Variants in MLYCD observed in about 807,000 individuals in gnomAD.
MLYCD encodes the protein malonyl-CoA decarboxylase, mitochondrial.
A neutral mutation model predicts 35.8 loss-of-function variants in MLYCD; 27 were observed. The ratio of observed to expected loss-of-function variants is 0.75; its 90% CI spans 0.56 to 1.04. The LOEUF (loss-of-function observed/expected upper bound fraction) is 1.04. Among genes scored for constraint, MLYCD ranks in the 50% least tolerant of loss-of-function variants. MLYCD has a pLI of 0.00. For synonymous variants in MLYCD, 403 were observed against 302.4 expected (o/e 1.33, Z -3.45); for missense variants, 917 against 665.1 (o/e 1.38, Z -4.17).
intron 3 of MLYCD, among the ~76,000 whole-genome samples, chr16:83,909,435 A>G (rs1907094501): frequency 6.6e-6 from 1 of 152,178 alleles, no homozygotes; most frequent in African/African-American, 2.4e-5. Flanking sequence ...GTAGGTTTAT[A>G]TGGAAAACCA....
At chr16:83,900,122 G>A (rs1001524846) in intron 1 of MLYCD, among the ~76,000 whole-genome samples, 6 of 152,184 alleles carry the variant, frequency 3.9e-5, no homozygotes, top group African/African-American at 1.4e-4. Context: ...ACATTGTCCT[G>A]AGAAGTCCTG....
chr16:83,911,959 T>G (rs573966438), intron 3 of MLYCD: 2 of 503,208 alleles, frequency 4.0e-6, no homozygotes, highest in East Asian at 7.6e-5. Context: ...ACATTGCTCT[T>G]CAACAAAGTT....
In MLYCD at chr16:83,918,025, C is replaced by T. The variant is rs1907489405; in HGVS notation, c.*2536C>T. 6.6e-6 allele frequency: 1 copy of T among 152,214 alleles called. No individual in the cohort carries two copies. 9.4% of individuals were successfully genotyped at this position (152,214 alleles called of 1,614,324 possible). ...GGAGTTTGTAGATGTCAGTCATCCC[C>T]AAGTCACTAGGAACTAGCACGCCTG... On this transcript the variant is annotated 3_prime_UTR_variant, in exon 5 of 5. Coordinates refer to ENST00000262430, the MANE Select transcript of MLYCD (RefSeq NM_012213.3).
At chr16:83,907,256 G>T (rs749546969) in intron 2 of MLYCD, among the ~76,000 whole-genome samples, 157 bp downstream of exon 2, 2 of 152,262 alleles carry the variant, frequency 1.3e-5, no homozygotes, top group Middle Eastern at 3.4e-3. Flanking sequence ...TGCTGCGGCT[G>T]TCACCACACA....
At chr16:83,901,719 C>CA (rs1293850081) in intron 1 of MLYCD, among the ~76,000 whole-genome samples, 2 of 152,192 alleles carry the variant, frequency 1.3e-5, no homozygotes, top group African/African-American at 4.8e-5. Context: ...TGAAGACACT[C>CA]ACATCCAGAC....
chr16:83,915,537 T>G lies in MLYCD; in HGVS notation c.*48T>G. 6.3e-7 allele frequency: 1 copy of G among 1,597,512 alleles called. No individual in the cohort carries two copies. The highest frequency in any genetic ancestry group is 1.3e-5 in the African/African-American group (1 of 74,978). ...AGGGCCCCGGCTAAGAAAACGATCATTTTCAGGAGGGGCCGGGAGTTATGT... is the reference window on the plus strand; with the variant it reads ...AGGGCCCCGGCTAAGAAAACGATCAGTTTCAGGAGGGGCCGGGAGTTATGT... On this transcript the variant is annotated 3_prime_UTR_variant, in exon 5 of 5. Transcript: ENST00000262430.
intron 1 of MLYCD, among the ~76,000 whole-genome samples, chr16:83,902,154 C>CAT (rs1555537762): frequency 0.01 from 883 of 84,392 alleles, 14 homozygotes; most frequent in Non-Finnish European, 0.011. Flanking sequence ...TGTGTGCGTG[C>CAT]GTATATATAT....
Position 83,915,638 on chromosome 16 carries a change from G to C in MLYCD, c.*149G>C. 6.6e-7 allele frequency: 1 copy of C among 1,517,140 alleles called. No individual in the cohort carries two copies. Among genetic ancestry groups the C allele is most frequent in the African/African-American group, 1.4e-5 (1 of 72,698 alleles). 94.0% of individuals were successfully genotyped at this position (1,517,140 alleles called of 1,614,324 possible). The stretch of plus-strand genomic sequence containing the variant: ...GCAGCCGGTCCACACTGTGAGGCCA[G>C]GCCTCAACTTCCCTCACCCTGGGCG... On this transcript the variant is annotated 3_prime_UTR_variant, in exon 5 of 5. Coordinates refer to ENST00000262430, the MANE Select transcript of MLYCD (RefSeq NM_012213.3).
Position 83,916,492 on chromosome 16 carries a change from G to T in MLYCD, c.*1003G>T, listed in dbSNP as rs993805192. ...TGTGCGTGTGCACGAGCGTCTCTGTGTGTATCAGTGCATGTCTGTGTACGT... is the reference window on the plus strand; with the variant it reads ...TGTGCGTGTGCACGAGCGTCTCTGTTTGTATCAGTGCATGTCTGTGTACGT... On this transcript the variant is annotated 3_prime_UTR_variant, in exon 5 of 5. Coordinates refer to ENST00000262430, the MANE Select transcript of MLYCD (RefSeq NM_012213.3). The T allele has an allele frequency of 3.1e-4, 47 of 149,960 alleles. No homozygotes were observed. The highest frequency in any genetic ancestry group is 1.1e-3 in the African/African-American group (46 of 40,430). 9.3% of individuals were successfully genotyped at this position (149,960 alleles called of 1,614,324 possible). A position where few individuals can be genotyped will look rare whatever the true frequency, so the allele number is the denominator to read the frequency against.
At chr16:83,903,145 G>C (rs910663872) in intron 1 of MLYCD, among the ~76,000 whole-genome samples, 2 of 152,086 alleles carry the variant, frequency 1.3e-5, no homozygotes. Context: ...TCATGGAAAG[G>C]GTTCCTCATG....
At chr16:83,899,807 C>T in intron 1 of MLYCD, 135 bp downstream of exon 1, 1 of 1,127,422 alleles carries the variant, frequency 8.9e-7, no homozygotes, top group Non-Finnish European at 1.2e-6. Context: ...GCAGTTACCG[C>T]CTGCCAACTG....
intron 4 of MLYCD, chr16:83,914,128 A>C (rs542465998): frequency 4.9e-4 from 74 of 152,336 alleles, no homozygotes; most frequent in Middle Eastern, 3.4e-3. Context: ...TTCTGTCATT[A>C]ATTTTTTCAA....
At chr16:83,902,155 G>GTATA (rs386385269) in intron 1 of MLYCD, among the ~76,000 whole-genome samples, 394 of 87,162 alleles carry the variant, frequency 4.5e-3, no homozygotes, top group African/African-American at 0.016. Flanking sequence ...GTGTGCGTGC[G>GTATA]TATATATATA....
intron 2 of MLYCD, 89 bp downstream of exon 2, chr16:83,907,188 C>G (rs1183936274): frequency 1.8e-6 from 2 of 1,116,524 alleles, no homozygotes; most frequent in Non-Finnish European, 2.7e-6. Flanking sequence ...TAATCTATCT[C>G]CATTCATATG....
At position 83,920,899 on chromosome 16, in the gene MLYCD, AAGATGGATGGATGGATGGAT is replaced by A. The variant is rs1439733594; in HGVS notation, c.*5411_*5430del. 60 of 139,700 alleles carry A rather than the reference AAGATGGATGGATGGATGGAT, an allele frequency of 4.3e-4. No homozygotes were observed. The highest frequency in any genetic ancestry group is 7.7e-4 in the Non-Finnish European group (49 of 63,328). 8.7% of individuals were successfully genotyped at this position (139,700 alleles called of 1,614,324 possible). On this transcript the variant is annotated 3_prime_UTR_variant, in exon 5 of 5. Transcript: ENST00000262430. ...ATTAGATGGATGGATGGAAGGAAGG[AAGATGGATGGATGGATGGAT>A]GGATGGATGGATGGATGGATGGATG...
rs976623446 is a variant in MLYCD at position 83,917,456 on chromosome 16, C to G, written c.*1967C>G. ...GCAGTTGCCCTGTCCTCGCTGTCCT[C>G]GGTTTGGCAGACAGGTCCCTCACCT... On this transcript the variant is annotated 3_prime_UTR_variant, in exon 5 of 5. Coordinates refer to ENST00000262430, the MANE Select transcript of MLYCD (RefSeq NM_012213.3). 1.9e-5 allele frequency: 3 copies of G among 154,662 alleles called. No homozygotes were observed. Among genetic ancestry groups the G allele is most frequent in the Non-Finnish European group, 4.4e-5 (3 of 68,294 alleles). The allele number at this position is 154,662 out of a possible 1,614,324, so 9.6% of individuals were successfully genotyped here. A position where few individuals can be genotyped will look rare whatever the true frequency, so the allele number is the denominator to read the frequency against.
At position 83,906,925 on chromosome 16, in the gene MLYCD, A is replaced by G. The variant is rs554872675; in HGVS notation, c.529-62A>G. ...GTTTTCATTCCTTGTGCTGACCACA[A>G]CACAGAGATGGGCTTGATCTGTCGC... On this transcript the variant is annotated intron_variant, in intron 1 of 4. Transcript: ENST00000262430. The G allele has an allele frequency of 5.6e-5, 77 of 1,381,062 alleles. 1 individual carries two copies. The East Asian group carries it at 1.5e-3, about 27-fold the overall frequency. 85.6% of individuals were successfully genotyped at this position (1,381,062 alleles called of 1,614,324 possible).
rs1907827689 is a variant in MLYCD, at chr16:83,926,986, AG to A, written c.*11498del. On this transcript the variant is annotated 3_prime_UTR_variant, in exon 5 of 5. Transcript: ENST00000262430. ...CTCACTCCAGCCTGGCGACAGAGCGAGACTACGTCTCAAAAAAAAATAAAAA... is the reference window on the plus strand; with the variant it reads ...CTCACTCCAGCCTGGCGACAGAGCGAACTACGTCTCAAAAAAAAATAAAAA... The A allele has an allele frequency of 6.6e-6, 1 of 152,086 alleles. No homozygotes were observed. The allele number at this position is 152,086 out of a possible 1,614,324, so 9.4% of individuals were successfully genotyped here.
In MLYCD at chr16:83,917,070, C is replaced by T. The variant is rs1375785429; in HGVS notation, c.*1581C>T. The T allele has an allele frequency of 2.8e-5, 1 of 36,134 alleles. No homozygotes were observed. The highest frequency in any genetic ancestry group is 9.5e-5 in the African/African-American group (1 of 10,500). The allele number at this position is 36,134 out of a possible 1,614,324, so 2.2% of individuals were successfully genotyped here. The stretch of plus-strand genomic sequence containing the variant: ...CGTCTCTGTGTGGATCAGTGCACGT[C>T]TGTGTGCGTGTGCACGAGCGTCTCT... On this transcript the variant is annotated 3_prime_UTR_variant, in exon 5 of 5. Transcript: ENST00000262430.
Sources: allele counts gnomAD v4.1 joint callset (sites outside exome capture counted in the v4.1 genomes callset), GRCh38; gene constraint gnomAD v4.1.1; transcripts MANE v1.5; gene names NCBI Gene and HGNC (gene_info 2026-07-23, HGNC 2026-07-21).